The following HSPD1 variants were observed in gnomAD, a reference collection of about 807,000 sequenced individuals.
HSPD1 encodes the protein 60 kDa heat shock protein, mitochondrial.
A neutral mutation model predicts 53.0 loss-of-function variants in HSPD1; 3 were observed. The ratio of observed to expected loss-of-function variants is 0.06; its 90% CI spans 0.03 to 0.15. The LOEUF is 0.15. Ranked by LOEUF, HSPD1 falls within the 10% of genes least tolerant of loss-of-function variation. The pLI is 1.00. For synonymous variants in HSPD1, 200 were observed against 228.0 expected (o/e 0.88, Z 1.10); for missense variants, 431 against 694.1 (o/e 0.62, Z 4.26).
chr2:197,490,244 T>G lies in HSPD1; in HGVS notation c.922A>C (p.Asn308His). 2 of 1,614,094 alleles carry G rather than the reference T, an allele frequency of 1.2e-6. No individual in the cohort carries two copies. Among genetic ancestry groups the G allele is most frequent in the Non-Finnish European group, 1.7e-6 (2 of 1,179,986 alleles). ...ATATCTTTAAGCTGGTTCTTTCTAT[T>G]GTCACCAAACCCTGGAGCCTTGACT... Reference protein sequence around the residue: ...VAVKAPGFGDNRKNQLKDMAI... With the variant: ...VAVKAPGFGDHRKNQLKDMAI... Residue 308 changes from asparagine to histidine, a missense_variant, in exon 8 of 12, where the codon AAT becomes CAT. By Grantham distance (68) the Asn-to-His change is moderately conservative. Coordinates refer to ENST00000388968, the MANE Select transcript of HSPD1 (RefSeq NM_002156.5).
At chr2:197,492,612 A>AT (rs1293852593) in intron 7 of HSPD1, among the ~76,000 whole-genome samples, 1 of 152,088 alleles carries the variant, frequency 6.6e-6, no homozygotes, top group Non-Finnish European at 1.5e-5. Flanking sequence ...AAAAAACAAG[A>AT]TTGACACTTG....
chr2:197,494,316 G>T, intron 5 of HSPD1, 66 bp from the exon 6 acceptor site: 1 of 856,698 alleles, frequency 1.2e-6, no homozygotes, highest in South Asian at 1.3e-5. Flanking sequence ...TTACAGGCCA[G>T]ATTAATAAAA....
At position 197,497,250 on chromosome 2, in the gene HSPD1, T is replaced by C; in HGVS notation, c.317A>G (p.Asn106Ser). Residue 106 changes from asparagine (N) to serine (S), a missense_variant, in exon 3 of 12, where the codon AAT becomes AGT. Coordinates refer to ENST00000388968, the MANE Select transcript of HSPD1 (RefSeq NM_002156.5). ...GGTAGTGCCATCCCCAGCTTCTTCA[T>C]TTGTGTTATTGGCAACATCTTGAAC... The part of the protein sequence containing the change: ...KLVQDVANNT[N>S]EEAGDGTTTA... 2 of 1,614,076 alleles carry C rather than the reference T, an allele frequency of 1.2e-6. No homozygotes were observed. The highest frequency in any genetic ancestry group is 1.7e-6 in the Non-Finnish European group (2 of 1,179,904).
rs2086074121 is a variant in HSPD1, at chr2:197,490,234, T to C, written c.932A>G (p.Asn311Ser). 6.2e-7 allele frequency: 1 copy of C among 1,613,982 alleles called. No homozygotes were observed. The highest frequency in any genetic ancestry group is 1.3e-5 in the African/African-American group (1 of 75,044). The stretch of plus-strand genomic sequence containing the variant: ...AGCAATAGCCATATCTTTAAGCTGG[T>C]TCTTTCTATTGTCACCAAACCCTGG... ...KAPGFGDNRK[N>S]QLKDMAIATG... is the part of the protein sequence containing the mutation. The change falls in exon 8 of 12, where the codon AAC becomes AGC. Residue 311 changes from asparagine (N) to serine (S), a missense_variant. Asn to Ser is a conservative substitution (Grantham distance 46). Coordinates refer to ENST00000388968, the MANE Select transcript of HSPD1 (RefSeq NM_002156.5).
chr2:197,488,185 T>C (rs2086049774), intron 10 of HSPD1, 132 bp downstream of exon 10: 10 of 1,005,874 alleles, frequency 9.9e-6, no homozygotes, highest in South Asian at 1.4e-5. Context: ...CATGTTTAGC[T>C]CTGACATTAG....
intron 4 of HSPD1, 72 bp from the exon 5 acceptor site, chr2:197,494,824 C>T (rs2086138371): frequency 3.1e-6 from 3 of 982,800 alleles, no homozygotes; most frequent in Non-Finnish European, 4.9e-6. Flanking sequence ...CTTACCTTTT[C>T]CTAGTAACTT....
intron 4 of HSPD1, 86 bp downstream of exon 4, chr2:197,495,208 C>G: frequency 1.3e-6 from 1 of 754,218 alleles, no homozygotes; most frequent in South Asian, 1.5e-5. Flanking sequence ...TATTGTTATT[C>G]TGACATTGGT....
chr2:197,492,556 A>G (rs1373552273), intron 7 of HSPD1, among the ~76,000 whole-genome samples: 3 of 152,098 alleles, frequency 2.0e-5, no homozygotes, highest in South Asian at 2.1e-4. Flanking sequence ...GAAAATTTAC[A>G]TATTTTTAAC....
Position 197,498,772 on chromosome 2 carries a change from T to C in HSPD1, c.77A>G (p.Tyr26Cys), listed in dbSNP as rs1012059817. ...RVLAPHLTRA[Y>C]AKDVKFGADA... ...TGCACCAAATTTTACATCTTTGGCATAAGCCCGAGTGAGATGAGGAGCCAG... is the reference window on the plus strand; with the variant it reads ...TGCACCAAATTTTACATCTTTGGCACAAGCCCGAGTGAGATGAGGAGCCAG... The change falls in exon 2 of 12, where the codon TAT becomes TGT. Residue 26 changes from tyrosine (Y) to cysteine (C), a missense_variant. This residue lies in a region of HSPD1 where 45 missense variants were observed against 36.5 expected (regional missense o/e 1.23). Coordinates refer to ENST00000388968, the MANE Select transcript of HSPD1 (RefSeq NM_002156.5). The C allele has an allele frequency of 1.2e-6, 2 of 1,614,218 alleles. No homozygotes were observed. Among genetic ancestry groups the C allele is most frequent in the Non-Finnish European group, 1.7e-6 (2 of 1,180,024 alleles).
intron 3 of HSPD1, among the ~76,000 whole-genome samples, chr2:197,496,451 C>A (rs969209033): frequency 6.6e-6 from 1 of 152,130 alleles, no homozygotes; most frequent in African/African-American, 2.4e-5. Flanking sequence ...TTACCAATAG[C>A]TCCCCCCACC....
intron 7 of HSPD1, among the ~76,000 whole-genome samples, chr2:197,492,176 G>T (rs1004558783): frequency 1.3e-5 from 2 of 152,008 alleles, no homozygotes; most frequent in African/African-American, 4.8e-5. Flanking sequence ...ATATTCGATG[G>T]TGAAATACAC....
Position 197,498,775 on chromosome 2 carries a change from G to A in HSPD1, c.74C>T (p.Ala25Val). The A allele has an allele frequency of 6.2e-7, 1 of 1,614,116 alleles. No individual in the cohort carries two copies. The highest frequency in any genetic ancestry group is 8.5e-7 in the Non-Finnish European group (1 of 1,179,998). Residue 25 changes from alanine to valine, a missense_variant, in exon 2 of 12, where the codon GCT (alanine) becomes GTT (valine). Around this residue, in one of 2 missense-constraint regions of HSPD1, gnomAD observed 45 missense variants for 36.5 expected, o/e 1.23. Coordinates refer to ENST00000388968, the MANE Select transcript of HSPD1 (RefSeq NM_002156.5). ...ACCAAATTTTACATCTTTGGCATAA[G>A]CCCGAGTGAGATGAGGAGCCAGTAC... ...SRVLAPHLTRAYAKDVKFGAD... is the reference protein window; with the variant it reads ...SRVLAPHLTRVYAKDVKFGAD...
At chr2:197,498,365 A>G (rs2086186597) in intron 2 of HSPD1, among the ~76,000 whole-genome samples, 1 of 152,252 alleles carries the variant, frequency 6.6e-6, no homozygotes, top group African/African-American at 2.4e-5. Context: ...AACTACTGGG[A>G]AAGGATCCAA....
In HSPD1 at chr2:197,487,097, T is replaced by G; in HGVS notation, c.1671A>C (p.Gly557=). ...CTCCCATTCCACCCATTGCACCCAT[T>G]CCAGGGTCCTTCTCTTCTTTAGGAA... The part of the protein sequence containing the change: ...TEIPKEEKDP[G]MGAMGGMGGG... The change falls in exon 12 of 12, where the codon GGA becomes GGC. Residue 557 remains glycine (G), a synonymous_variant. Coordinates refer to ENST00000388968, the MANE Select transcript of HSPD1 (RefSeq NM_002156.5). 1.3e-6 allele frequency: 2 copies of G among 1,559,882 alleles called. No individual in the cohort carries two copies. The highest frequency in any genetic ancestry group is 2.2e-5 in the South Asian group (2 of 89,986).
Position 197,490,262 on chromosome 2 carries a change from C to G in HSPD1, c.904G>C (p.Ala302Pro). 1 of 1,613,978 alleles carries G rather than the reference C, an allele frequency of 6.2e-7. No individual in the cohort carries two copies. Among genetic ancestry groups the G allele is most frequent in the Non-Finnish European group, 8.5e-7 (1 of 1,179,920 alleles). The stretch of plus-strand genomic sequence containing the variant: ...TTTCTATTGTCACCAAACCCTGGAG[C>G]CTTGACTGCCACAACCTGAAGACCA... ...KVGLQVVAVKAPGFGDNRKNQ... is the reference protein window; with the variant it reads ...KVGLQVVAVKPPGFGDNRKNQ... Residue 302 changes from alanine (A) to proline (P), a missense_variant, in exon 8 of 12, where the codon GCT (alanine) becomes CCT (proline). Physicochemically the swap from Ala to Pro is conservative, Grantham distance 27. Transcript: ENST00000388968.
At chr2:197,487,812 C>A in intron 11 of HSPD1, 46 bp downstream of exon 11, 2 of 1,535,032 alleles carry the variant, frequency 1.3e-6, no homozygotes, top group Non-Finnish European at 1.8e-6. Context: ...GATACATTAA[C>A]AAAATGAACA....
At chr2:197,490,110 GTATCT>G in intron 8 of HSPD1, 82 bp downstream of exon 8, 1 of 962,912 alleles carries the variant, frequency 1.0e-6, no homozygotes, top group Non-Finnish European at 1.7e-6. Context: ...GATAGTTGTA[GTATCT>G]AATTGTGAAA....
At chr2:197,498,174 T>G (rs1234573880) in intron 2 of HSPD1, among the ~76,000 whole-genome samples, 1 of 152,218 alleles carries the variant, frequency 6.6e-6, no homozygotes, top group Non-Finnish European at 1.5e-5. Context: ...GTTTTGGAGA[T>G]GGATGGTGGT....
chr2:197,494,457 T>C (rs1190301245), intron 5 of HSPD1, 200 bp downstream of exon 5: 24 of 630,592 alleles, frequency 3.8e-5, no homozygotes, highest in South Asian at 1.8e-4. Flanking sequence ...ATTCATTTCA[T>C]GCAGCAAAGG....
Sources: gnomAD v4.1 joint callset for allele counts (sites outside exome capture counted in the v4.1 genomes callset) on GRCh38, gnomAD v4.1.1 for gene constraint, gnomAD v4.1.1 regional missense constraint, MANE v1.5 for transcripts, NCBI Gene and HGNC (gene_info 2026-07-23, HGNC 2026-07-21) for gene names.